The following GOLGA8T variants were observed in gnomAD, a reference collection of about 807,000 sequenced individuals.
GOLGA8T encodes the protein golgin subfamily A member 8T.
GOLGA8T carries 17 observed loss-of-function variants against 52.0 expected under a neutral mutation model. The observed-to-expected ratio is 0.33, with a 90% confidence interval of 0.22 to 0.49. The LOEUF (loss-of-function observed/expected upper bound fraction) is 0.49, where lower values mean the gene tolerates loss of function less well. GOLGA8T is among the 20% of genes least tolerant of loss of function. The probability of loss-of-function intolerance (pLI) is 0.99; values close to 1 mark genes in which losing one functional copy is unlikely to be tolerated. For synonymous variants in GOLGA8T, 67 were observed against 169.5 expected, an observed-to-expected ratio of 0.40 and a Z score of 4.70; for missense variants, 154 against 462.1, an observed-to-expected ratio of 0.33 and a Z score of 6.11.
At chr15:30,142,440 C>T in intron 13 of GOLGA8T, 58 bp downstream of exon 13, 1 of 1,582,222 alleles carries the variant, frequency 6.3e-7, no homozygotes, top group Non-Finnish European at 8.5e-7. Flanking sequence ...GGGCAGCAGA[C>T]TCTGGGGAGG....
In GOLGA8T at chr15:30,141,289, A is replaced by C. The variant is rs767319578; in HGVS notation, c.787-49A>C. On this transcript the variant is annotated intron_variant, in intron 10 of 18. Coordinates refer to ENST00000569052, the MANE Select transcript of GOLGA8T (RefSeq NM_001355469.2). ...CAGAGAGGGAGAGGGCAGCCTGTCCAGCCACCAGCCCCTCTCTCCAAGGCC... is the reference window on the plus strand; with the variant it reads ...CAGAGAGGGAGAGGGCAGCCTGTCCCGCCACCAGCCCCTCTCTCCAAGGCC... The C allele has an allele frequency of 1.9e-6, 3 of 1,553,576 alleles. No individual in the cohort carries two copies. The South Asian group carries it at 3.4e-5, about 18-fold the overall frequency.
rs756617275 is a variant in GOLGA8T at position 30,141,446 on chromosome 15, C to A, written c.874+21C>A. The A allele has an allele frequency of 1.8e-5, 28 of 1,522,088 alleles. 5 individuals carry two copies. In the Middle Eastern group the frequency reaches 7.3e-4, roughly 40 times the overall value. The allele number at this position is 1,522,088 out of a possible 1,614,324, so 94.3% of individuals were successfully genotyped here. Reference sequence around the variant, plus strand: ...GATGGGTAAGATGGGGCTGGCATGACCTAGGAGCAGGACTGGCATCAGAGG... The same window carrying A: ...GATGGGTAAGATGGGGCTGGCATGAACTAGGAGCAGGACTGGCATCAGAGG... On this transcript the variant is annotated intron_variant, in intron 11 of 18. Transcript: ENST00000569052.
At chr15:30,141,632 C>T (rs1396233972) in intron 11 of GOLGA8T, among the ~76,000 whole-genome samples, 170 bp from the exon 12 acceptor site, 3 of 125,778 alleles carry the variant, frequency 2.4e-5, no homozygotes, top group Admixed American at 7.2e-5. Context: ...TGTCAGCCAC[C>T]CGCAGTGCTC....
Position 30,148,708 on chromosome 15 carries a change from T to C in GOLGA8T, c.*3141T>C, listed in dbSNP as rs2057848555. 6.8e-6 allele frequency among the ~76,000 whole-genome samples: 1 copy of C among 147,420 alleles called. No individual in the cohort carries two copies. Among genetic ancestry groups the C allele is most frequent in the African/African-American group, 2.6e-5 (1 of 38,500 alleles). ...TCCCTAGAGTGGCCTTATTGACTGC[T>C]GGTGTGATGCCACTGTAATGTAATA... On this transcript the variant is annotated 3_prime_UTR_variant, in exon 19 of 19. Coordinates refer to ENST00000569052, the MANE Select transcript of GOLGA8T (RefSeq NM_001355469.2).
intron 13 of GOLGA8T, 121 bp downstream of exon 13, chr15:30,142,503 C>T (rs1020245769): frequency 1.3e-6 from 2 of 1,508,782 alleles, no homozygotes; most frequent in African/African-American, 1.5e-5. Flanking sequence ...GACCACAGCA[C>T]CCCCCAGGGC....
At chr15:30,142,430 G>A (rs745883856) in intron 13 of GOLGA8T, 48 bp downstream of exon 13, 18 of 1,580,664 alleles carry the variant, frequency 1.1e-5, no homozygotes, top group African/African-American at 4.3e-5. Context: ...GCTGGGAGGC[G>A]GGCAGCAGAC....
At chr15:30,142,254 C>T (rs2057754048) in intron 12 of GOLGA8T, 60 bp from the exon 13 acceptor site, 2 of 1,169,808 alleles carry the variant, frequency 1.7e-6, no homozygotes, top group Non-Finnish European at 2.4e-6. Flanking sequence ...GGGAGGCAGA[C>T]ACCAAGTTCT....
rs772328723 is a variant in GOLGA8T, at chr15:30,140,868, G to C, written c.618G>C (p.Thr206=). The C allele has an allele frequency of 6.4e-7, 1 of 1,562,844 alleles. No homozygotes were observed. Among genetic ancestry groups the C allele is most frequent in the Admixed American group, 1.7e-5 (1 of 58,584 alleles). ...TGTCCAGCCGCAGCAAAGCACGTAC[G>C]GAGTGGAAGTTAGAGCAGTCCATGC... ...NQLSSRSKAR[T]EWKLEQSMRE... Residue 206 remains threonine, a synonymous_variant, in exon 9 of 19, where the codon ACG becomes ACC. Transcript: ENST00000569052.
chr15:30,141,685 C>T (rs1347543813), intron 11 of GOLGA8T, 117 bp from the exon 12 acceptor site: 5 of 587,302 alleles, frequency 8.5e-6, no homozygotes, highest in East Asian at 5.7e-5. Flanking sequence ...CATCTGGGTG[C>T]GAGGAATCAT....
intron 2 of GOLGA8T, among the ~76,000 whole-genome samples, chr15:30,137,369 C>T (rs2057703748): frequency 9.9e-6 from 1 of 101,180 alleles, no homozygotes; most frequent in Non-Finnish European, 1.9e-5. Context: ...GAGCAAGACT[C>T]TGTCTCAAAG....
chr15:30,142,736 G>A (rs1315751435), intron 13 of GOLGA8T, among the ~76,000 whole-genome samples: 11 of 124,348 alleles, frequency 8.8e-5, no homozygotes, highest in African/African-American at 1.7e-4. Flanking sequence ...CGGGAGTTTG[G>A]GATCAGCCTG....
Position 30,142,328 on chromosome 15 carries a change from G to C in GOLGA8T, c.1146G>C (p.Lys382Asn). 6.5e-7 allele frequency: 1 copy of C among 1,540,588 alleles called. No homozygotes were observed. The highest frequency in any genetic ancestry group is 2.4e-5 in the East Asian group (1 of 42,184). ...SVFEEPNNEN[K>N]NALQLEQQVK... The stretch of plus-strand genomic sequence containing the variant: ...TCTCTGTCCAGAACAATGAGAACAA[G>C]AACGCACTGCAGTTGGAGCAGCAAG... The change falls in exon 13 of 19, where the codon AAG (lysine) becomes AAC (asparagine). Residue 382 changes from lysine (K) to asparagine (N), a missense_variant. Physicochemically the swap from Lys to Asn is moderately conservative, Grantham distance 94. Around this residue, in one of 6 missense-constraint regions of GOLGA8T, gnomAD observed 54 missense variants for 51.5 expected, o/e 1.05. Transcript: ENST00000569052.
At position 30,140,865 on chromosome 15, in the gene GOLGA8T, T is replaced by C. The variant is rs779304260; in HGVS notation, c.615T>C (p.Arg205=). 1.0e-5 allele frequency: 16 copies of C among 1,563,410 alleles called. 3 individuals carry two copies. Among genetic ancestry groups the C allele is most frequent in the Non-Finnish European group, 1.4e-5 (16 of 1,161,500 alleles). ...ANQLSSRSKA[R]TEWKLEQSMR... ...AGTTGTCCAGCCGCAGCAAAGCACG[T>C]ACGGAGTGGAAGTTAGAGCAGTCCA... The change falls in exon 9 of 19, where the codon CGT becomes CGC. Residue 205 remains arginine, a synonymous_variant. Transcript: ENST00000569052.
chr15:30,137,213 TAA>T (rs1273851466), intron 2 of GOLGA8T, among the ~76,000 whole-genome samples: 1 of 147,510 alleles, frequency 6.8e-6, no homozygotes, highest in Non-Finnish European at 1.5e-5. Flanking sequence ...CTGTCTCTAC[TAA>T]AAATACAAAA....
In GOLGA8T at chr15:30,148,280, A is replaced by G. The variant is rs2140662497; in HGVS notation, c.*2713A>G. On this transcript the variant is annotated 3_prime_UTR_variant, in exon 19 of 19. Coordinates refer to ENST00000569052, the MANE Select transcript of GOLGA8T (RefSeq NM_001355469.2). The stretch of plus-strand genomic sequence containing the variant: ...AGGAAGAATCAAAACACCTATTTAA[A>G]GATGGCAATATATAATAATCATTTT... Among the ~76,000 whole-genome samples, 1 of 123,242 alleles carries G rather than the reference A, an allele frequency of 8.1e-6. No homozygotes were observed. Among genetic ancestry groups the G allele is most frequent in the South Asian group, 2.7e-4 (1 of 3,772 alleles). The allele number at this position is 123,242 out of a possible 152,430, so 80.9% of individuals were successfully genotyped here.
intron 2 of GOLGA8T, among the ~76,000 whole-genome samples, chr15:30,137,357 CAG>C (rs1217925861): frequency 9.7e-6 from 1 of 103,042 alleles, no homozygotes; most frequent in Non-Finnish European, 1.9e-5. Context: ...AGCCTGGTGA[CAG>C]AGCAAGACTC....
Position 30,140,840 on chromosome 15 carries a change from A to C in GOLGA8T, c.592-2A>C, listed in dbSNP as rs781124610. On this transcript the variant is annotated splice_acceptor_variant, in intron 8 of 18. Transcript: ENST00000569052. LOFTEE classifies it high-confidence loss of function. ...TGAAACTTCTCACTCTTCACCATCC[A>C]GTTGTCCAGCCGCAGCAAAGCACGT... 8 of 1,558,280 alleles carry C rather than the reference A, an allele frequency of 5.1e-6. No homozygotes were observed. Among genetic ancestry groups the C allele is most frequent in the Non-Finnish European group, 6.9e-6 (8 of 1,154,008 alleles).
Position 30,144,870 on chromosome 15 carries a change from G to A in GOLGA8T, c.1460G>A (p.Arg487His), listed in dbSNP as rs760013412. The A allele has an allele frequency of 2.6e-5, 41 of 1,586,608 alleles. 2 individuals are homozygous for A. The highest frequency in any genetic ancestry group is 1.3e-4 in the South Asian group (12 of 89,456). The change falls in exon 16 of 19, where the codon CGC (arginine) becomes CAC (histidine). Residue 487 changes from arginine (R) to histidine (H), a missense_variant. Transcript: ENST00000569052. ...TTCATCCACCACTGGCGAGACAGAC[G>A]CCATCAGTGAGTGGGAGGCCAGGGC... is the stretch of plus-strand genomic sequence containing the variant. Reference protein sequence around the residue: ...LCFIHHWRDRRHQKTHHLLSE... With the variant: ...LCFIHHWRDRHHQKTHHLLSE...
chr15:30,136,318 G>GA lies in GOLGA8T; in HGVS notation c.49-542dup, dbSNP rs1341884599. On this transcript the variant is annotated intron_variant, in intron 1 of 18. Coordinates refer to ENST00000569052, the MANE Select transcript of GOLGA8T (RefSeq NM_001355469.2). ...TCCCTTGATTCTCTTGAGATCAAGA[G>GA]AAAAAACATGAATGTACTTAGGGAT... is the stretch of plus-strand genomic sequence containing the variant. Among the ~76,000 whole-genome samples, 35 of 148,210 alleles carry GA rather than the reference G, an allele frequency of 2.4e-4. 1 individual carries two copies. The highest frequency in any genetic ancestry group is 8.4e-4 in the African/African-American group (33 of 39,498).
Sources: allele counts gnomAD v4.1 joint callset (sites outside exome capture counted in the v4.1 genomes callset), GRCh38; gene constraint gnomAD v4.1.1; regional missense constraint gnomAD v4.1.1; transcripts MANE v1.5; gene names NCBI Gene and HGNC (gene_info 2026-07-23, HGNC 2026-07-21).